Variants in PCDHGA5 observed in about 807,000 individuals in gnomAD.
The protein encoded by PCDHGA5 is protocadherin gamma subfamily A, 5.
PCDHGA5 carries 36 observed loss-of-function variants against 56.7 expected under a neutral mutation model. That is an observed-to-expected ratio of 0.64 (90% CI 0.49 to 0.84). The LOEUF (loss-of-function observed/expected upper bound fraction) is 0.84, where lower values mean the gene tolerates loss of function less well. Ranked by LOEUF, PCDHGA5 falls within the 40% of genes least tolerant of loss-of-function variation. The pLI, the probability that PCDHGA5 is intolerant of heterozygous loss-of-function variation, is 0.00. For missense variants in PCDHGA5, 1,305 were observed against 1,201.5 expected (o/e 1.09, Z -1.27); for synonymous variants, 563 against 520.2 (o/e 1.08, Z -1.12).
At chr5:141,400,654 C>A in intron 1 of PCDHGA5, 1 of 1,142,176 alleles carries the variant, frequency 8.8e-7, no homozygotes, top group Non-Finnish European at 1.3e-6. Context: ...AGCTGTCCTA[C>A]CATTCTTTAA....
intron 1 of PCDHGA5, chr5:141,408,164 A>G (rs2095051548): frequency 6.6e-7 from 1 of 1,520,576 alleles, no homozygotes; most frequent in South Asian, 1.3e-5. Context: ...ACTTTCTCCA[A>G]CTGGAAAAGC....
At chr5:141,492,576 G>A (rs2099742137) in intron 1 of PCDHGA5, among the ~76,000 whole-genome samples, 1 of 152,234 alleles carries the variant, frequency 6.6e-6, no homozygotes, top group Admixed American at 6.5e-5. Context: ...AGCGAGGCGC[G>A]GGGCCAGGAG....
chr5:141,416,791 G>C (rs1389798483), intron 1 of PCDHGA5: 1 of 152,166 alleles, frequency 6.6e-6, no homozygotes, highest in Non-Finnish European at 1.5e-5. Flanking sequence ...TCTACTAAAT[G>C]TGGTAGTATA....
At chr5:141,400,459 G>C (rs1287515286) in intron 1 of PCDHGA5, 1 of 1,614,072 alleles carries the variant, frequency 6.2e-7, no homozygotes, top group Admixed American at 1.7e-5. Flanking sequence ...CATACTTTGT[G>C]GTGATTCATC....
At chr5:141,457,098 T>G (rs1179930043) in intron 1 of PCDHGA5, among the ~76,000 whole-genome samples, 1 of 152,242 alleles carries the variant, frequency 6.6e-6, no homozygotes, top group Non-Finnish European at 1.5e-5. Flanking sequence ...AGGATACTAA[T>G]TAAGCAAAAT....
At chr5:141,426,539 T>C in intron 1 of PCDHGA5, 2 of 347,388 alleles carry the variant, frequency 5.8e-6, no homozygotes, top group South Asian at 4.4e-5. Flanking sequence ...GGGAACATAC[T>C]TGTGAGTGAC....
intron 1 of PCDHGA5, chr5:141,468,667 CCATCCTGGCTAA>C (rs2099172391): frequency 6.7e-6 from 1 of 149,836 alleles, no homozygotes; most frequent in African/African-American, 2.5e-5. Flanking sequence ...GAGATCAAGA[CCATCCTGGCTAA>C]CACGGTGAAA....
chr5:141,435,807 T>A (rs2097781241), intron 1 of PCDHGA5, among the ~76,000 whole-genome samples: 1 of 152,040 alleles, frequency 6.6e-6, no homozygotes, highest in South Asian at 2.1e-4. Context: ...CCCAATTATT[T>A]TTTCTTTCTT....
chr5:141,399,059 A>T (rs769553635), intron 1 of PCDHGA5: 8 of 1,613,882 alleles, frequency 5.0e-6, no homozygotes, highest in Non-Finnish European at 6.8e-6. Context: ...ACCAAGGAAT[A>T]TTCAATGGTT....
intron 1 of PCDHGA5, chr5:141,420,445 T>C: frequency 9.6e-7 from 1 of 1,044,750 alleles, no homozygotes; most frequent in Non-Finnish European, 1.3e-6. Context: ...AATGCCTCAG[T>C]CTTCCTACTA....
chr5:141,410,849 C>CTTTTTTTTTTT lies in PCDHGA5; in HGVS notation c.2421+44110_2421+44120dup, dbSNP rs759346998. On this transcript the variant is annotated intron_variant, in intron 1 of 3. Coordinates refer to ENST00000518069, the MANE Select transcript of PCDHGA5 (RefSeq NM_018918.3). ...CAGACTGAAGATATTTTGTCTTTGT[C>CTTTTTTTTTTT]TTTTTTTTTTTTTTTTTTTTTTGAG... 217 of 138,154 alleles carry CTTTTTTTTTTT rather than the reference C, an allele frequency of 1.6e-3. 10 individuals carry two copies. The highest frequency in any genetic ancestry group is 4.0e-3 in the African/African-American group (66 of 16,622). The allele number at this position is 138,154 out of a possible 1,614,324, so 8.6% of individuals were successfully genotyped here.
intron 1 of PCDHGA5, among the ~76,000 whole-genome samples, chr5:141,424,979 T>G (rs565208060): frequency 1.4e-4 from 22 of 152,322 alleles, no homozygotes; most frequent in African/African-American, 4.6e-4. Flanking sequence ...CTTGGATATT[T>G]ATGTTCCCTT....
In PCDHGA5 at chr5:141,404,211, T is replaced by C. The variant is rs1423741415; in HGVS notation, c.2421+37460T>C. ...CGAGAAAAAGCCTCAGAATATAATATCACGGTGACTGCAACAGACAGAGGA... is the reference window on the plus strand; with the variant it reads ...CGAGAAAAAGCCTCAGAATATAATACCACGGTGACTGCAACAGACAGAGGA... On this transcript the variant is annotated intron_variant, in intron 1 of 3. Coordinates refer to ENST00000518069, the MANE Select transcript of PCDHGA5 (RefSeq NM_018918.3). 3 of 1,613,606 alleles carry C rather than the reference T, an allele frequency of 1.9e-6. No homozygotes were observed. The Admixed American group carries it at 5.0e-5, about 27-fold the overall frequency.
At position 141,415,641 on chromosome 5, in the gene PCDHGA5, TAA is replaced by T. The variant is rs113784532; in HGVS notation, c.2421+48900_2421+48901del. On this transcript the variant is annotated intron_variant, in intron 1 of 3. Transcript: ENST00000518069. ...GTTTTATTTTCATTTTTACTTTTGT[TAA>T]AAAAAAAAAGATTGGTTTTTACTTT... is the stretch of plus-strand genomic sequence containing the variant. 3.1e-5 allele frequency: 40 copies of T among 1,280,748 alleles called. No homozygotes were observed. The African/African-American group carries it at 4.6e-4, about 15-fold the overall frequency. 79.3% of individuals were successfully genotyped at this position (1,280,748 alleles called of 1,614,324 possible).
At chr5:141,422,592 C>T (rs2096658264) in intron 1 of PCDHGA5, 1 of 1,614,090 alleles carries the variant, frequency 6.2e-7, no homozygotes. Flanking sequence ...TTTTTCCTCA[C>T]TCCTCTTACT....
At chr5:141,399,008 G>A (rs2093737383) in intron 1 of PCDHGA5, 4 of 1,613,904 alleles carry the variant, frequency 2.5e-6, no homozygotes, top group African/African-American at 1.3e-5. Flanking sequence ...AATTCAAAGA[G>A]CGGAGAAATT....
At chr5:141,483,242 C>T (rs2099578681) in intron 1 of PCDHGA5, among the ~76,000 whole-genome samples, 1 of 151,558 alleles carries the variant, frequency 6.6e-6, no homozygotes, top group African/African-American at 2.4e-5. Flanking sequence ...AACTGATATG[C>T]ATATATCATG....
Position 141,465,218 on chromosome 5 carries a change from A to G in PCDHGA5, c.2422-29589A>G, listed in dbSNP as rs151158068. ...ATAAAAATATAAGCTTTATTTTTCA[A>G]CATGAGCTCCATCAAGTTCAAGGCA... On this transcript the variant is annotated intron_variant, in intron 1 of 3. Coordinates refer to ENST00000518069, the MANE Select transcript of PCDHGA5 (RefSeq NM_018918.3). Among the ~76,000 whole-genome samples, 591 of 152,288 alleles carry G rather than the reference A, an allele frequency of 3.9e-3. 6 individuals carry two copies. The highest frequency in any genetic ancestry group is 0.011 in the Admixed American group (171 of 15,290).
At chr5:141,366,775 A>G (rs550477594) in intron 1 of PCDHGA5, 24 bp downstream of exon 1, 13 of 1,595,244 alleles carry the variant, frequency 8.1e-6, no homozygotes, top group African/African-American at 1.3e-5. Context: ...TTCGGTAAGG[A>G]TGACCAGAAC....
Sources: allele counts gnomAD v4.1 joint callset (sites outside exome capture counted in the v4.1 genomes callset), GRCh38; gene constraint gnomAD v4.1.1; transcripts MANE v1.5; gene names NCBI Gene and HGNC (gene_info 2026-07-23, HGNC 2026-07-21).